The following CNTN5 variants were observed in gnomAD, a reference collection of about 807,000 sequenced individuals.
CNTN5 encodes the protein contactin 5.
CNTN5 carries 77 observed loss-of-function variants against 129.1 expected under a neutral mutation model. The ratio of observed to expected loss-of-function variants is 0.60; its 90% CI spans 0.50 to 0.72. CNTN5 has a LOEUF of 0.72. Ranked by LOEUF, CNTN5 falls within the 30% of genes least tolerant of loss-of-function variation. CNTN5 has a pLI of 0.00. For missense variants in CNTN5, 1,478 were observed against 1,328.8 expected (o/e 1.11, Z -1.75); for synonymous variants, 509 against 465.6 (o/e 1.09, Z -1.20).
At chr11:100,022,225 C>T (rs1941198259) in intron 9 of CNTN5, among the ~76,000 whole-genome samples, 1 of 152,158 alleles carries the variant, frequency 6.6e-6, no homozygotes. Flanking sequence ...ATTTAACCTG[C>T]TATTACTTTT....
intron 7 of CNTN5, among the ~76,000 whole-genome samples, chr11:99,951,909 A>G (rs1393280193): frequency 1.3e-5 from 2 of 152,208 alleles, no homozygotes; most frequent in Non-Finnish European, 2.9e-5. Context: ...GTATAAATAG[A>G]TTATAGATAC....
chr11:99,399,673 T>G (rs1010168164), intron 2 of CNTN5, among the ~76,000 whole-genome samples: 2 of 151,944 alleles, frequency 1.3e-5, no homozygotes. Context: ...TAACTTTATA[T>G]GTCCAATAAC....
At chr11:99,663,146 C>G (rs1330652990) in intron 3 of CNTN5, among the ~76,000 whole-genome samples, 1 of 152,008 alleles carries the variant, frequency 6.6e-6, no homozygotes, top group East Asian at 1.9e-4. Context: ...ACTCTATAGA[C>G]AAATTTAAAT....
rs930552340 is a variant in CNTN5 at position 99,281,629 on chromosome 11, A to G, written c.-209-43717A>G. Among the ~76,000 whole-genome samples, 3 of 151,890 alleles carry G rather than the reference A, an allele frequency of 2.0e-5. No homozygotes were observed. The Admixed American group carries it at 2.0e-4, about 10-fold the overall frequency. On this transcript the variant is annotated intron_variant, in intron 1 of 24. Coordinates refer to ENST00000524871, the MANE Select transcript of CNTN5 (RefSeq NM_014361.4). ...CGGTCTTTATAACTTCTATGTCATC[A>G]TTAGCTTTATTGCATCTTTACCAGT...
At chr11:99,957,956 G>T (rs1306533966) in intron 8 of CNTN5, among the ~76,000 whole-genome samples, 1 of 151,456 alleles carries the variant, frequency 6.6e-6, no homozygotes, top group Non-Finnish European at 1.5e-5. Context: ...CATAAACTGT[G>T]AAGTATGTAT....
chr11:99,072,836 C>G (rs1418119196), intron 1 of CNTN5, among the ~76,000 whole-genome samples: 1 of 152,026 alleles, frequency 6.6e-6, no homozygotes, highest in Non-Finnish European at 1.5e-5. Context: ...AAGATATGAA[C>G]ACTTTCTGTA....
At chr11:99,523,010 A>G (rs1455760318) in intron 2 of CNTN5, among the ~76,000 whole-genome samples, 1 of 152,240 alleles carries the variant, frequency 6.6e-6, no homozygotes, top group African/African-American at 2.4e-5. Flanking sequence ...TCTGGCACTA[A>G]CCAAAACTTC....
In CNTN5 at chr11:99,057,265, C is replaced by T. The variant is rs76991649; in HGVS notation, c.-210+35995C>T. Among the ~76,000 whole-genome samples, 17 of 151,952 alleles carry T rather than the reference C, an allele frequency of 1.1e-4. No individual in the cohort carries two copies. The East Asian group carries it at 3.3e-3, about 29-fold the overall frequency. The stretch of plus-strand genomic sequence containing the variant: ...ATTTATCTCTTCTTCCAATGTCTTG[C>T]CTTTCATGTGTTTCTGAACTCTGTC... On this transcript the variant is annotated intron_variant, in intron 1 of 24. Transcript: ENST00000524871.
intron 1 of CNTN5, among the ~76,000 whole-genome samples, chr11:99,245,476 C>A (rs942879948): frequency 5.3e-5 from 8 of 152,058 alleles, no homozygotes; most frequent in African/African-American, 1.9e-4. Context: ...TGCCTCCATG[C>A]CCGGCTAATT....
chr11:99,543,789 A>G (rs1036961488), intron 2 of CNTN5, among the ~76,000 whole-genome samples: 1 of 151,926 alleles, frequency 6.6e-6, no homozygotes. Context: ...GTGGTGGCAC[A>G]CGCCTGTAAT....
intron 7 of CNTN5, among the ~76,000 whole-genome samples, chr11:99,933,567 T>G (rs975639869): frequency 6.6e-6 from 1 of 152,168 alleles, no homozygotes; most frequent in African/African-American, 2.4e-5. Flanking sequence ...TTTTGTTTTG[T>G]CCAGAAATTG....
At chr11:100,099,012 C>T (rs906701700) in intron 13 of CNTN5, among the ~76,000 whole-genome samples, 10 of 151,934 alleles carry the variant, frequency 6.6e-5, no homozygotes, top group African/African-American at 2.2e-4. Context: ...GATTAAAGGG[C>T]GGGAAAGACA....
chr11:99,214,400 A>AT (rs1565409115), intron 1 of CNTN5, among the ~76,000 whole-genome samples: 1 of 146,950 alleles, frequency 6.8e-6, no homozygotes, highest in Non-Finnish European at 1.5e-5. Context: ...TATATAAATA[A>AT]ATATATATAT....
chr11:99,223,878 G>A (rs1262908544), intron 1 of CNTN5, among the ~76,000 whole-genome samples: 2 of 152,146 alleles, frequency 1.3e-5, no homozygotes, highest in African/African-American at 4.8e-5. Flanking sequence ...CTCTCTGGAT[G>A]TTCAGTTCTC....
At chr11:100,128,876 A>G (rs1381972465) in intron 13 of CNTN5, among the ~76,000 whole-genome samples, 1 of 152,042 alleles carries the variant, frequency 6.6e-6, no homozygotes, top group Admixed American at 6.6e-5. Flanking sequence ...TTGCCCAGAG[A>G]AAAACTATCT....
intron 3 of CNTN5, among the ~76,000 whole-genome samples, chr11:99,583,374 T>A (rs879357648): frequency 2.2e-4 from 33 of 152,340 alleles, no homozygotes; most frequent in Non-Finnish European, 4.0e-4. Flanking sequence ...CATTTAAGTC[T>A]GCAGAGGTTA....
At chr11:99,108,901 A>G (rs1253323000) in intron 1 of CNTN5, among the ~76,000 whole-genome samples, 1 of 152,028 alleles carries the variant, frequency 6.6e-6, no homozygotes. Flanking sequence ...TAGCAGCACA[A>G]TGATCCCCAA....
chr11:99,497,018 T>G (rs553136755), intron 2 of CNTN5, among the ~76,000 whole-genome samples: 2 of 152,302 alleles, frequency 1.3e-5, no homozygotes, highest in South Asian at 4.1e-4. Flanking sequence ...AGAGCTTAAT[T>G]TACTCATCTG....
intron 18 of CNTN5, among the ~76,000 whole-genome samples, chr11:100,285,270 A>G (rs2138834568): frequency 6.6e-6 from 1 of 152,354 alleles, no homozygotes; most frequent in Middle Eastern, 3.4e-3. Context: ...ATACAGTAAG[A>G]ACCCTACGGT....
Sources: allele counts gnomAD v4.1 joint callset (sites outside exome capture counted in the v4.1 genomes callset), GRCh38; gene constraint gnomAD v4.1.1; transcripts MANE v1.5; gene names NCBI Gene and HGNC (gene_info 2026-07-23, HGNC 2026-07-21).